MIR2052HG: variants seen among roughly 807,000 people sequenced by gnomAD.
MIR2052HG encodes the protein MIR2052 host gene.
chr8:74,634,595 G>A (rs1298574537), intron 2 of MIR2052HG, among the ~76,000 whole-genome samples: 3 of 152,082 alleles, frequency 2.0e-5, no homozygotes, highest in African/African-American at 4.8e-5. Flanking sequence ...TTAATCTTGG[G>A]ATGAGTCCCC....
intron 2 of MIR2052HG, among the ~76,000 whole-genome samples, chr8:74,676,133 A>G (rs551054698): frequency 2.0e-5 from 3 of 152,204 alleles, no homozygotes; most frequent in Non-Finnish European, 4.4e-5. Context: ...TGTTCCAACA[A>G]TGTTTTTTCA....
chr8:74,611,515 T>G (rs1808194567), intron 1 of MIR2052HG, among the ~76,000 whole-genome samples: 1 of 152,214 alleles, frequency 6.6e-6, no homozygotes, highest in African/African-American at 2.4e-5. Context: ...GTGAGCCTTT[T>G]GCAAGATGTC....
intron 5 of MIR2052HG, chr8:74,752,591 T>C (rs939371140): frequency 9.1e-6 from 4 of 440,562 alleles, no homozygotes; most frequent in African/African-American, 8.1e-5. Flanking sequence ...ATTTATGTAC[T>C]GTGGTTAAAC....
intron 2 of MIR2052HG, among the ~76,000 whole-genome samples, chr8:74,668,948 A>G (rs183783810): frequency 6.6e-6 from 1 of 152,108 alleles, no homozygotes; most frequent in African/African-American, 2.4e-5. Context: ...CTTTCTTGTC[A>G]CAGCTCTTGA....
At chr8:74,709,960 A>C (rs1809449725) in intron 4 of MIR2052HG, among the ~76,000 whole-genome samples, 1 of 152,208 alleles carries the variant, frequency 6.6e-6, no homozygotes, top group Admixed American at 6.5e-5. Context: ...AAATTTCTGC[A>C]ATATGCATCT....
chr8:74,731,839 A>G (rs1247703692), intron 4 of MIR2052HG, among the ~76,000 whole-genome samples: 1 of 152,074 alleles, frequency 6.6e-6, no homozygotes, highest in Non-Finnish European at 1.5e-5. Flanking sequence ...GGCATACTCC[A>G]CATTCTATTG....
At position 74,706,757 on chromosome 8, in the gene MIR2052HG, T is replaced by G. The variant is rs138701977; in HGVS notation, n.371+3075T>G. 4.4e-3 allele frequency among the ~76,000 whole-genome samples: 672 copies of G among 152,214 alleles called. 5 individuals are homozygous for G. The highest frequency in any genetic ancestry group is 0.015 in the African/African-American group (627 of 41,544). ...AACCTGAAAACAATTACTAATCTAT[T>G]TATACATGTAAAAACTGGAAAATGA... On this transcript the variant is annotated intron_variant and non_coding_transcript_variant, in intron 4 of 6. Coordinates refer to ENST00000523442, the Ensembl canonical transcript of MIR2052HG.
intron 2 of MIR2052HG, among the ~76,000 whole-genome samples, chr8:74,648,235 T>A (rs1395152373): frequency 6.6e-6 from 1 of 151,704 alleles, no homozygotes; most frequent in Non-Finnish European, 1.5e-5. Context: ...TGGGGGGAGG[T>A]CTATGAATGG....
chr8:74,603,696 G>C, intron 1 of MIR2052HG: 1 of 969,598 alleles, frequency 1.0e-6, no homozygotes, highest in Admixed American at 1.7e-5. Flanking sequence ...CCGGAGAGCT[G>C]GAAGGCTTGA....
At chr8:74,690,738 T>C (rs1809231452) in intron 2 of MIR2052HG, among the ~76,000 whole-genome samples, 1 of 152,078 alleles carries the variant, frequency 6.6e-6, no homozygotes, top group African/African-American at 2.4e-5. Context: ...TTCCAGGTCT[T>C]GAGGAGCCTT....
chr8:74,611,039 A>C (rs767093410), intron 1 of MIR2052HG, among the ~76,000 whole-genome samples: 10 of 152,072 alleles, frequency 6.6e-5, no homozygotes, highest in Non-Finnish European at 1.3e-4. Flanking sequence ...AAGAGAGTGA[A>C]AGATAAGTGA....
intron 2 of MIR2052HG, among the ~76,000 whole-genome samples, chr8:74,699,254 C>T (rs917983352): frequency 4.6e-5 from 7 of 152,082 alleles, no homozygotes; most frequent in African/African-American, 1.4e-4. Context: ...AATCTCAATA[C>T]TGGGTATCTA....
At chr8:74,645,068 C>G (rs370433802) in intron 2 of MIR2052HG, among the ~76,000 whole-genome samples, 4 of 152,126 alleles carry the variant, frequency 2.6e-5, no homozygotes, top group Middle Eastern at 3.4e-3. Context: ...TTTCCAGTAG[C>G]ATCTAGACTT....
chr8:74,681,972 A>C (rs1809130068), intron 2 of MIR2052HG, among the ~76,000 whole-genome samples: 1 of 152,154 alleles, frequency 6.6e-6, no homozygotes, highest in African/African-American at 2.4e-5. Flanking sequence ...TGGTGCTGAG[A>C]TATTTGGTTA....
chr8:74,709,459 A>T (rs901062121), intron 4 of MIR2052HG, among the ~76,000 whole-genome samples: 4 of 152,046 alleles, frequency 2.6e-5, no homozygotes, highest in Admixed American at 6.6e-5. Flanking sequence ...GGAGTTGGGT[A>T]AATGGGGGAA....
intron 2 of MIR2052HG, among the ~76,000 whole-genome samples, chr8:74,678,563 CAAAAAAAAAAAAA>C (rs763073114): frequency 9.3e-5 from 5 of 53,532 alleles, no homozygotes; most frequent in South Asian, 1.0e-3. Flanking sequence ...GAGTTTGTCT[CAAAAAAAAAAAAA>C]AAAAAAAAAA....
chr8:74,702,706 G>A (rs1291397908), intron 3 of MIR2052HG, among the ~76,000 whole-genome samples: 1 of 152,110 alleles, frequency 6.6e-6, no homozygotes, highest in African/African-American at 2.4e-5. Context: ...ACCAAGAAAG[G>A]AAGAGCACTA....
chr8:74,600,637 A>C (rs1252301413), intron 1 of MIR2052HG, among the ~76,000 whole-genome samples: 1 of 150,810 alleles, frequency 6.6e-6, no homozygotes, highest in Non-Finnish European at 1.5e-5. Flanking sequence ...GTGCGGTGGC[A>C]CAATCTTGGC....
Position 74,640,467 on chromosome 8 carries a change from C to CAA in MIR2052HG, n.216+27548_216+27549dup, listed in dbSNP as rs35779504. On this transcript the variant is annotated intron_variant and non_coding_transcript_variant, in intron 2 of 6. Transcript: ENST00000523442. ...GCCTGGACAGGGCAAGACTCCGTCT[C>CAA]AAAAAAAAAAAAAAAAAAAAAAGAG... 3.2e-3 allele frequency among the ~76,000 whole-genome samples: 263 copies of CAA among 83,410 alleles called. 1 individual carries two copies. Among genetic ancestry groups the CAA allele is most frequent in the African/African-American group, 8.4e-3 (174 of 20,814 alleles). The allele number at this position is 83,410 out of a possible 152,430, so 54.7% of individuals were successfully genotyped here.
Sources: allele counts gnomAD v4.1 joint callset (sites outside exome capture counted in the v4.1 genomes callset), GRCh38; gene constraint gnomAD v4.1.1; transcripts MANE v1.5; gene names NCBI Gene and HGNC (gene_info 2026-07-23, HGNC 2026-07-21).